The following PRKCB variants were observed in gnomAD, a reference collection of about 807,000 sequenced individuals.
PRKCB encodes protein kinase C beta.
In PRKCB, 13 loss-of-function variants were observed where a neutral mutation model predicts 81.5. The observed-to-expected ratio is 0.16, with a 90% CI of 0.10 to 0.25. PRKCB has a LOEUF of 0.25. Ranked by LOEUF, PRKCB falls within the 10% of genes least tolerant of loss-of-function variation. The pLI, the probability that PRKCB is intolerant of heterozygous loss-of-function variation, is 1.00. For missense variants in PRKCB, 509 were observed against 875.7 expected (o/e 0.58, Z 5.29); for synonymous variants, 335 against 321.4 (o/e 1.04, Z -0.45).
chr16:23,846,039 A>T (rs1446008820), intron 2 of PRKCB, among the ~76,000 whole-genome samples: 1 of 152,218 alleles, frequency 6.6e-6, no homozygotes, highest in Non-Finnish European at 1.5e-5. Flanking sequence ...CCCTGTGTCC[A>T]TCTCTGATAT....
At chr16:23,966,997 T>A (rs1484409702) in intron 2 of PRKCB, among the ~76,000 whole-genome samples, 1 of 146,430 alleles carries the variant, frequency 6.8e-6, no homozygotes, top group Non-Finnish European at 1.5e-5. Flanking sequence ...AGCTTAAGAA[T>A]TGGCAGTGGT....
chr16:24,098,406 A>G (rs902800878), intron 7 of PRKCB: 1 of 152,222 alleles, frequency 6.6e-6, no homozygotes, highest in Non-Finnish European at 1.5e-5. Context: ...TGACTGATAT[A>G]CAGGACAATA....
intron 2 of PRKCB, among the ~76,000 whole-genome samples, chr16:23,954,239 A>C (rs2141782020): frequency 6.6e-6 from 1 of 151,992 alleles, no homozygotes; most frequent in Non-Finnish European, 1.5e-5. Context: ...ATGAGACACC[A>C]CGCCTGACCA....
chr16:24,001,456 T>C (rs185232929), intron 3 of PRKCB, among the ~76,000 whole-genome samples: 109 of 152,304 alleles, frequency 7.2e-4, no homozygotes, highest in African/African-American at 2.6e-3. Context: ...CTTGTTAAAC[T>C]TGTTAAATGT....
chr16:24,214,820 G>A lies in PRKCB; in HGVS notation c.*4G>A. 1 of 1,613,656 alleles carries A rather than the reference G, an allele frequency of 6.2e-7. No individual in the cohort carries two copies. The highest frequency in any genetic ancestry group is 8.5e-7 in the Non-Finnish European group (1 of 1,179,734). On this transcript the variant is annotated 3_prime_UTR_variant, in exon 17 of 17. Coordinates refer to ENST00000643927, the MANE Select transcript of PRKCB (RefSeq NM_002738.7). ...AAAACCCGAAGTCAAGAGCTAAGTAGATGTGTAGATCTCCGTCCTTCATTT... is the reference window on the plus strand; with the variant it reads ...AAAACCCGAAGTCAAGAGCTAAGTAAATGTGTAGATCTCCGTCCTTCATTT...
intron 5 of PRKCB, among the ~76,000 whole-genome samples, chr16:24,091,290 G>T (rs950848750): frequency 2.6e-5 from 4 of 152,106 alleles, no homozygotes; most frequent in African/African-American, 9.7e-5. Flanking sequence ...ATTGAAAATA[G>T]ATTTCCTAAG....
At chr16:24,045,782 C>T (rs1451193219) in intron 5 of PRKCB, among the ~76,000 whole-genome samples, 1 of 152,238 alleles carries the variant, frequency 6.6e-6, no homozygotes, top group African/African-American at 2.4e-5. Context: ...CCTGGGGATG[C>T]ACTGTAACAT....
intron 2 of PRKCB, among the ~76,000 whole-genome samples, chr16:23,902,031 G>A (rs761836940): frequency 2.0e-5 from 3 of 152,128 alleles, no homozygotes; most frequent in African/African-American, 2.4e-5. Context: ...GCAGTTGTAG[G>A]TCTGGGTCTG....
intron 3 of PRKCB, among the ~76,000 whole-genome samples, chr16:23,993,447 A>T (rs543527935): frequency 6.6e-6 from 1 of 152,280 alleles, no homozygotes; most frequent in South Asian, 2.1e-4. Context: ...AGAGGAAAGG[A>T]TTCAAAAGCT....
intron 9 of PRKCB, among the ~76,000 whole-genome samples, chr16:24,127,937 T>C (rs952105327): frequency 8.5e-5 from 13 of 152,204 alleles, no homozygotes; most frequent in Non-Finnish European, 1.3e-4. Flanking sequence ...TGGTTAGGTA[T>C]ATAGATCAAT....
chr16:24,180,858 G>T lies in PRKCB; in HGVS notation c.1463G>T (p.Cys488Phe), dbSNP rs768685403. The T allele has an allele frequency of 6.2e-7, 1 of 1,614,104 alleles. No homozygotes were observed. Among genetic ancestry groups the T allele is most frequent in the Non-Finnish European group, 8.5e-7 (1 of 1,180,040 alleles). ...ATCAAGATTGCCGATTTTGGCATGT[G>T]TAAGGAAAACATCTGGGATGGGGTG... ...GHIKIADFGM[C>F]KENIWDGVTT... Residue 488 changes from cysteine to phenylalanine, a missense_variant, in exon 13 of 17, where the codon TGT becomes TTT. This residue lies in a region of PRKCB where 106 missense variants were observed against 214.0 expected (regional missense o/e 0.50). Transcript: ENST00000643927.
intron 3 of PRKCB, among the ~76,000 whole-genome samples, chr16:24,028,622 G>T (rs548078237): frequency 6.6e-6 from 1 of 152,138 alleles, no homozygotes; most frequent in Non-Finnish European, 1.5e-5. Flanking sequence ...GAATCCTTTC[G>T]AGGTTCATGA....
At chr16:24,004,038 G>A (rs1965079123) in intron 3 of PRKCB, among the ~76,000 whole-genome samples, 1 of 151,982 alleles carries the variant, frequency 6.6e-6, no homozygotes, top group African/African-American at 2.4e-5. Context: ...TAATGTGGAG[G>A]AAACAATCTA....
rs12447669 is a variant in PRKCB at position 24,072,866 on chromosome 16, G to A, written c.530-19925G>A. Among the ~76,000 whole-genome samples the A allele has an allele frequency of 1.8e-3, 269 of 152,178 alleles. 1 individual carries two copies. Among genetic ancestry groups the A allele is most frequent in the Non-Finnish European group, 2.7e-3 (186 of 68,006 alleles). Reference sequence around the variant, plus strand: ...CAAAGCACTGGGATTACATGTGTGCGCCACGCACCTGGCCTAACTCTCTCT... The same window carrying A: ...CAAAGCACTGGGATTACATGTGTGCACCACGCACCTGGCCTAACTCTCTCT... On this transcript the variant is annotated intron_variant, in intron 5 of 16. Coordinates refer to ENST00000643927, the MANE Select transcript of PRKCB (RefSeq NM_002738.7).
intron 2 of PRKCB, among the ~76,000 whole-genome samples, chr16:23,951,719 CCTGT>C (rs978993323): frequency 2.0e-5 from 3 of 151,694 alleles, no homozygotes; most frequent in African/African-American, 7.3e-5. Context: ...CACCTGGTCC[CCTGT>C]CTTTTTTTTT....
chr16:24,028,098 CT>C (rs906920816), intron 3 of PRKCB, among the ~76,000 whole-genome samples: 2 of 151,640 alleles, frequency 1.3e-5, no homozygotes, highest in East Asian at 1.9e-4. Context: ...TTTCTTTTTT[CT>C]TTTTTTTGAG....
chr16:24,095,471 A>G (rs1263963745), intron 7 of PRKCB, among the ~76,000 whole-genome samples: 9 of 152,142 alleles, frequency 5.9e-5, no homozygotes, highest in African/African-American at 2.2e-4. Flanking sequence ...GGTTGTCAGG[A>G]AGGCAAAAGC....
At chr16:24,208,852 A>T (rs1456467763) in intron 16 of PRKCB, among the ~76,000 whole-genome samples, 1 of 152,186 alleles carries the variant, frequency 6.6e-6, no homozygotes, top group Non-Finnish European at 1.5e-5. Context: ...GAAACACTTA[A>T]CAGGGAGGCT....
At chr16:24,205,583 T>C (rs1694515164) in intron 16 of PRKCB, among the ~76,000 whole-genome samples, 1 of 152,176 alleles carries the variant, frequency 6.6e-6, no homozygotes, top group Non-Finnish European at 1.5e-5. Flanking sequence ...CATTTTCTCA[T>C]TGCACAGCAA....
Sources: gnomAD v4.1 joint callset for allele counts (sites outside exome capture counted in the v4.1 genomes callset) on GRCh38, gnomAD v4.1.1 for gene constraint, gnomAD v4.1.1 regional missense constraint, MANE v1.5 for transcripts, NCBI Gene and HGNC (gene_info 2026-07-23, HGNC 2026-07-21) for gene names.